Variants in MGAT5 observed in about 807,000 individuals in gnomAD.
The protein encoded by MGAT5 is alpha-1,6-mannosylglycoprotein 6-beta-N-acetylglucosaminyltransferase A.
A neutral mutation model predicts 94.3 loss-of-function variants in MGAT5; 30 were observed. The observed-to-expected ratio is 0.32, with a 90% CI of 0.24 to 0.43. The LOEUF is 0.43. MGAT5 is among the 20% of genes least tolerant of loss of function. The pLI is 1.00. For synonymous variants in MGAT5, 310 were observed against 322.9 expected, an observed-to-expected ratio of 0.96 and a Z score of 0.43; for missense variants, 691 against 905.5, an observed-to-expected ratio of 0.76 and a Z score of 3.04.
intron 2 of MGAT5, among the ~76,000 whole-genome samples, chr2:134,285,617 C>T (rs1042588366): frequency 6.6e-6 from 1 of 152,146 alleles, no homozygotes; most frequent in African/African-American, 2.4e-5. Context: ...CTGTCTTCTG[C>T]TATATACTTC....
At chr2:134,248,831 G>A (rs927123161) in intron 1 of MGAT5, among the ~76,000 whole-genome samples, 5 of 152,156 alleles carry the variant, frequency 3.3e-5, no homozygotes, top group Non-Finnish European at 5.9e-5. Context: ...AGGCCCTTGT[G>A]TCAGAAATAG....
At chr2:134,400,965 G>A (rs1683014988) in intron 10 of MGAT5, among the ~76,000 whole-genome samples, 1 of 152,106 alleles carries the variant, frequency 6.6e-6, no homozygotes, top group African/African-American at 2.4e-5. Context: ...TTTAGGATAG[G>A]GAACCACTGT....
At chr2:134,140,166 A>G (rs554934480) in intron 1 of MGAT5, among the ~76,000 whole-genome samples, 1 of 152,250 alleles carries the variant, frequency 6.6e-6, no homozygotes, top group Non-Finnish European at 1.5e-5. Flanking sequence ...GGCTGTCTTT[A>G]TGAATGGTCA....
At chr2:134,442,042 G>A in intron 15 of MGAT5, 127 bp downstream of exon 15, 5 of 1,076,342 alleles carry the variant, frequency 4.6e-6, no homozygotes, top group Non-Finnish European at 6.8e-6. Flanking sequence ...GTGTGGGAGG[G>A]GAGTAGGTTG....
chr2:134,263,404 T>A (rs1683463894), intron 1 of MGAT5, among the ~76,000 whole-genome samples: 1 of 152,178 alleles, frequency 6.6e-6, no homozygotes, highest in Admixed American at 6.5e-5. Context: ...GGAAAAACAT[T>A]CGCTTCTGGG....
chr2:134,312,559 C>T (rs1465015386), intron 2 of MGAT5, among the ~76,000 whole-genome samples: 1 of 152,132 alleles, frequency 6.6e-6, no homozygotes, highest in Non-Finnish European at 1.5e-5. Context: ...TTGTTCCTTC[C>T]GTTATTAAAC....
At chr2:134,423,723 C>T (rs1684425194) in intron 13 of MGAT5, among the ~76,000 whole-genome samples, 1 of 152,176 alleles carries the variant, frequency 6.6e-6, no homozygotes. Flanking sequence ...TTACTAGCAG[C>T]TTCCCCTCAT....
chr2:134,307,490 A>G (rs1686397827), intron 2 of MGAT5, among the ~76,000 whole-genome samples: 1 of 151,822 alleles, frequency 6.6e-6, no homozygotes, highest in South Asian at 2.1e-4. Context: ...TCCCCTGGCC[A>G]TTGTACTGAA....
At chr2:134,403,239 T>C in intron 11 of MGAT5, 102 bp downstream of exon 11, 1 of 1,289,408 alleles carries the variant, frequency 7.8e-7, no homozygotes, top group Non-Finnish European at 1.0e-6. Context: ...AATAAACTCT[T>C]GTGGCTATTT....
At chr2:134,214,960 G>T (rs910394109) in intron 1 of MGAT5, among the ~76,000 whole-genome samples, 1 of 152,122 alleles carries the variant, frequency 6.6e-6, no homozygotes, top group East Asian at 1.9e-4. Flanking sequence ...CTCTCTTCCA[G>T]CTTCTACCTC....
At chr2:134,138,794 G>A (rs989643000) in intron 1 of MGAT5, among the ~76,000 whole-genome samples, 1 of 152,184 alleles carries the variant, frequency 6.6e-6, no homozygotes, top group African/African-American at 2.4e-5. Context: ...AATAAGCAAG[G>A]TGGTCATATA....
intron 1 of MGAT5, among the ~76,000 whole-genome samples, chr2:134,131,810 T>C (rs187681794): frequency 1.1e-3 from 169 of 152,270 alleles, no homozygotes; most frequent in Admixed American, 2.0e-3. Flanking sequence ...GTTTCTGATA[T>C]CCTTTTACAG....
intron 2 of MGAT5, 74 bp downstream of exon 2, chr2:134,270,624 A>T: frequency 6.8e-7 from 1 of 1,461,660 alleles, no homozygotes; most frequent in Admixed American, 2.0e-5. Flanking sequence ...AAAGGAGAGC[A>T]GTGGTTCTTA....
intron 1 of MGAT5, among the ~76,000 whole-genome samples, chr2:134,153,002 C>A (rs1314380631): frequency 3.4e-5 from 5 of 147,974 alleles, no homozygotes; most frequent in African/African-American, 1.3e-4. Context: ...CTCCTGAGTT[C>A]AAGCAGTTCT....
intron 10 of MGAT5, among the ~76,000 whole-genome samples, chr2:134,377,294 C>T (rs965786683): frequency 1.3e-5 from 2 of 152,190 alleles, no homozygotes; most frequent in African/African-American, 2.4e-5. Context: ...GCCACCATAG[C>T]GTCACAAGGC....
chr2:134,183,918 C>A (rs528241183), intron 1 of MGAT5, among the ~76,000 whole-genome samples: 1 of 152,232 alleles, frequency 6.6e-6, no homozygotes, highest in Admixed American at 6.5e-5. Context: ...CCAGCCGAGA[C>A]GAAAATGAAC....
intron 1 of MGAT5, among the ~76,000 whole-genome samples, chr2:134,162,934 G>T (rs1687805194): frequency 6.6e-6 from 1 of 152,188 alleles, no homozygotes; most frequent in South Asian, 2.1e-4. Flanking sequence ...TCTACTGTTG[G>T]AATAATGAAC....
chr2:134,233,902 G>C (rs577534013), intron 1 of MGAT5, among the ~76,000 whole-genome samples: 60 of 152,272 alleles, frequency 3.9e-4, no homozygotes, highest in Middle Eastern at 6.8e-3. Flanking sequence ...CAACACTCTA[G>C]GTTTGACTCT....
intron 1 of MGAT5, among the ~76,000 whole-genome samples, chr2:134,194,779 A>G (rs892757037): frequency 1.3e-5 from 2 of 152,162 alleles, no homozygotes; most frequent in Non-Finnish European, 2.9e-5. Context: ...TGTTCTCCAA[A>G]TCTGCCCTCA....
Sources: allele counts gnomAD v4.1 joint callset (sites outside exome capture counted in the v4.1 genomes callset), GRCh38; gene constraint gnomAD v4.1.1; transcripts MANE v1.5; gene names NCBI Gene and HGNC (gene_info 2026-07-23, HGNC 2026-07-21).